LAMA5: variants seen among roughly 807,000 people sequenced by gnomAD.
LAMA5 encodes laminin subunit alpha 5.
A neutral mutation model predicts 433.4 loss-of-function variants in LAMA5; 260 were observed. The observed-to-expected ratio is 0.60, with a 90% confidence interval of 0.54 to 0.66. The LOEUF is 0.66. Ranked by LOEUF, LAMA5 falls within the 30% of genes least tolerant of loss-of-function variation. The pLI is 0.00. For missense variants in LAMA5, 5,378 were observed against 5,258.5 expected (o/e 1.02, Z -0.70); for synonymous variants, 2,620 against 2,226.6 (o/e 1.18, Z -4.97).
chr20:62,354,935 C>T (rs976997158), intron 2 of LAMA5, among the ~76,000 whole-genome samples: 2 of 152,198 alleles, frequency 1.3e-5, no homozygotes, highest in African/African-American at 4.8e-5. Flanking sequence ...ACGAACCTCT[C>T]CCCCGCCTGT....
chr20:62,323,102 G>A (rs1250894660), intron 45 of LAMA5, among the ~76,000 whole-genome samples: 1 of 136,590 alleles, frequency 7.3e-6, no homozygotes, highest in Non-Finnish European at 1.6e-5. Context: ...TCATGGGTTG[G>A]GGGGAGGGTC....
At chr20:62,346,482 A>C (rs1335941512) in intron 9 of LAMA5, 24 bp downstream of exon 9, 2 of 1,546,722 alleles carry the variant, frequency 1.3e-6, no homozygotes, top group Admixed American at 3.9e-5. Flanking sequence ...GACCCAGGAC[A>C]CCCGCCCAGC....
rs1283092876 is a variant in LAMA5 at position 62,329,037 on chromosome 20, C to T, written c.4254G>A (p.Leu1418=). The change falls in exon 34 of 80, where the codon CTG becomes CTA. Residue 1418 remains leucine, a synonymous_variant. Coordinates refer to ENST00000252999, the MANE Select transcript of LAMA5 (RefSeq NM_005560.6). The part of the protein sequence containing the change: ...GYHISPSSSS[L]FCRNAAASLS... ...GGGAAGCAGCAGCGTTTCGGCAGAA[C>T]AGGGATGAGCTGCTGGGGCTACATG... The T allele has an allele frequency of 3.1e-6, 5 of 1,612,636 alleles. No homozygotes were observed. Among genetic ancestry groups the T allele is most frequent in the African/African-American group, 2.7e-5 (2 of 74,938 alleles).
Position 62,312,768 on chromosome 20 carries a change from G to A in LAMA5, c.9091C>T (p.Leu3031=), listed in dbSNP as rs765425327. 103 of 1,590,242 alleles carry A rather than the reference G, an allele frequency of 6.5e-5. No individual in the cohort carries two copies. The highest frequency in any genetic ancestry group is 8.3e-5 in the Non-Finnish European group (97 of 1,171,000). ...TSASKAIQVF[L]LGGSRKRVLV... The stretch of plus-strand genomic sequence containing the variant: ...ACACGCTTGCGGCTGCCCCCCAGCA[G>A]GAACACCTGGATCTACAGGACCAGT... Residue 3031 remains leucine, a synonymous_variant, in exon 67 of 80, where the codon CTG becomes TTG. Coordinates refer to ENST00000252999, the MANE Select transcript of LAMA5 (RefSeq NM_005560.6).
chr20:62,347,639 T>G (rs1484773188), intron 6 of LAMA5, among the ~76,000 whole-genome samples: 1 of 152,162 alleles, frequency 6.6e-6, no homozygotes, highest in Non-Finnish European at 1.5e-5. Context: ...GAATCTTGCC[T>G]TACGTCCCGT....
intron 6 of LAMA5, among the ~76,000 whole-genome samples, chr20:62,350,757 T>C (rs1174047111): frequency 6.6e-6 from 1 of 152,122 alleles, no homozygotes; most frequent in East Asian, 1.9e-4. Context: ...TGTTACACCC[T>C]CCGGGCACCA....
chr20:62,311,899 G>A, intron 70 of LAMA5, 21 bp downstream of exon 70: 2 of 1,599,880 alleles, frequency 1.3e-6, no homozygotes, highest in Non-Finnish European at 1.7e-6. Context: ...TTCACGATGA[G>A]GGCCCAGCGG....
At chr20:62,319,520 C>G (rs1408808014) in intron 51 of LAMA5, among the ~76,000 whole-genome samples, 164 bp downstream of exon 51, 1 of 152,182 alleles carries the variant, frequency 6.6e-6, no homozygotes, top group East Asian at 1.9e-4. Context: ...GCTGTGTCGC[C>G]GACCTCCTGA....
At chr20:62,351,478 T>G (rs1984278321) in intron 6 of LAMA5, among the ~76,000 whole-genome samples, 1 of 152,102 alleles carries the variant, frequency 6.6e-6, no homozygotes, top group South Asian at 2.1e-4. Context: ...CAAACCAAGA[T>G]AGGGCACCCT....
intron 50 of LAMA5, 109 bp downstream of exon 50, chr20:62,320,450 C>CA: frequency 1.2e-6 from 1 of 806,834 alleles, no homozygotes; most frequent in Non-Finnish European, 2.0e-6. Flanking sequence ...GTCCCCTGCA[C>CA]TGACACATGT....
intron 1 of LAMA5, among the ~76,000 whole-genome samples, chr20:62,364,994 C>T (rs781083559): frequency 3.9e-4 from 60 of 152,406 alleles, no homozygotes; most frequent in Non-Finnish European, 4.4e-4. Context: ...ACTTCTCACA[C>T]GCCCAATCCG....
In LAMA5 at chr20:62,366,902, G is replaced by A. The variant is rs761854934; in HGVS notation, c.297+47C>T. ...CCCTGGGGTCGGGCCGGTGTTCCGG[G>A]TCCGAGTGCCCCGGGAGGAAGCCCC... On this transcript the variant is annotated intron_variant, in intron 1 of 79. Transcript: ENST00000252999. 25 of 1,238,392 alleles carry A rather than the reference G, an allele frequency of 2.0e-5. 1 individual carries two copies. In the Middle Eastern group the frequency reaches 2.7e-3, roughly 135 times the overall value. 76.7% of individuals were successfully genotyped at this position (1,238,392 alleles called of 1,614,324 possible). A position where few individuals can be genotyped will look rare whatever the true frequency, so the allele number is the denominator to read the frequency against.
At chr20:62,329,486 T>A (rs1342939815) in intron 32 of LAMA5, among the ~76,000 whole-genome samples, 2 of 152,186 alleles carry the variant, frequency 1.3e-5, no homozygotes, top group Admixed American at 1.3e-4. Context: ...TCCTGGTGTC[T>A]CCCACATCTC....
At position 62,328,004 on chromosome 20, in the gene LAMA5, T is replaced by C. The variant is rs1383955602; in HGVS notation, c.4659A>G (p.Arg1553=). 6.2e-7 allele frequency: 1 copy of C among 1,611,524 alleles called. No homozygotes were observed. The highest frequency in any genetic ancestry group is 8.5e-7 in the Non-Finnish European group (1 of 1,179,792). Residue 1553 remains arginine, a synonymous_variant, in exon 36 of 80, where the codon AGA becomes AGG. Transcript: ENST00000252999. ...CDTDSGQCKC[R]PNVTGRRCDT... is the part of the protein sequence containing the mutation. ...CACAGCGGCGCCCAGTCACGTTGGGTCTGCACCTGTGGCAGGGGCGGGAGC... is the reference window on the plus strand; with the variant it reads ...CACAGCGGCGCCCAGTCACGTTGGGCCTGCACCTGTGGCAGGGGCGGGAGC...
At chr20:62,334,694 T>A in intron 20 of LAMA5, 73 bp from the exon 21 acceptor site, 1 of 1,241,032 alleles carries the variant, frequency 8.1e-7, no homozygotes, top group Non-Finnish European at 1.1e-6. Context: ...ACAGCCAGAC[T>A]GAGAAGCCTG....
chr20:62,318,988 C>A lies in LAMA5; in HGVS notation c.6897G>T (p.Leu2299=), dbSNP rs770116744. The A allele has an allele frequency of 5.7e-6, 9 of 1,590,324 alleles. No homozygotes were observed. The African/African-American group carries it at 1.1e-4, about 19-fold the overall frequency. Residue 2299 remains leucine (L), a synonymous_variant, in exon 52 of 80, where the codon CTG becomes CTT. Transcript: ENST00000252999. The stretch of plus-strand genomic sequence containing the variant: ...ATGGAGCCGAGGCATTGGCCAGCCC[C>A]AGGTGGCCCGTCTGGGACATGAGCT... ...LSELMSQTGH[L]GLANASAPSG...
rs938852958 is a variant in LAMA5 at position 62,324,495 on chromosome 20, A to T, written c.5589T>A (p.Pro1863=). ...GGTCTGAGTGTCCATGGCACTGACA[A>T]GGGACACATCGGCCCAGGAAGAGAC... ...VKGLFLGRCV[P]CQCHGHSDRC... Residue 1863 remains proline, a synonymous_variant, in exon 42 of 80, where the codon CCT becomes CCA. Transcript: ENST00000252999. The surrounding 1 kb of genome is among the most constrained non-coding windows in gnomAD (Gnocchi z 4.4). 1 of 1,612,546 alleles carries T rather than the reference A, an allele frequency of 6.2e-7. No homozygotes were observed. The highest frequency in any genetic ancestry group is 8.5e-7 in the Non-Finnish European group (1 of 1,179,902).
intron 48 of LAMA5, 46 bp from the exon 49 acceptor site, chr20:62,320,936 A>T: frequency 6.7e-7 from 1 of 1,494,288 alleles, no homozygotes; most frequent in Non-Finnish European, 9.1e-7. Flanking sequence ...GGGTCAGGCC[A>T]GGGGAGAATG....
At chr20:62,336,579 G>T (rs2146225305) in intron 17 of LAMA5, 134 bp from the exon 18 acceptor site, 1 of 1,136,704 alleles carries the variant, frequency 8.8e-7, no homozygotes, top group African/African-American at 1.5e-5. Context: ...GTCACCTGCA[G>T]TGGGGGCAGA....
Sources: gnomAD v4.1 joint callset for allele counts (sites outside exome capture counted in the v4.1 genomes callset) on GRCh38, gnomAD v4.1.1 for gene constraint, Gnocchi (gnomAD v3.1) non-coding constraint, MANE v1.5 for transcripts, NCBI Gene and HGNC (gene_info 2026-07-23, HGNC 2026-07-21) for gene names.